The following TCN1 variants were observed in gnomAD, a reference collection of about 807,000 sequenced individuals.
TCN1 encodes transcobalamin-1.
A neutral mutation model predicts 46.3 loss-of-function variants in TCN1; 47 were observed. The observed-to-expected ratio is 1.01, with a 90% CI of 0.80 to 1.29. The LOEUF (loss-of-function observed/expected upper bound fraction) is 1.29, where lower values mean the gene tolerates loss of function less well. Among genes scored for constraint, TCN1 ranks in the 50% most tolerant of loss-of-function variants. The pLI is 0.00. For missense variants in TCN1, 532 were observed against 511.0 expected (o/e 1.04, Z -0.40); for synonymous variants, 183 against 192.5 (o/e 0.95, Z 0.41).
intron 2 of TCN1, among the ~76,000 whole-genome samples, chr11:59,863,269 G>A (rs946299869): frequency 6.6e-6 from 1 of 151,796 alleles, no homozygotes; most frequent in African/African-American, 2.4e-5. Context: ...TCACAGAATC[G>A]TTTTGGAATC....
intron 8 of TCN1, 26 bp from the exon 9 acceptor site, chr11:59,853,062 G>C (rs768579677): frequency 6.2e-7 from 1 of 1,613,276 alleles, no homozygotes; most frequent in Non-Finnish European, 8.5e-7. Flanking sequence ...AAAGAGAACT[G>C]GGTCAAATGA....
chr11:59,866,433 A>C lies in TCN1; in HGVS notation c.38T>G (p.Leu13Ter). The C allele has an allele frequency of 6.2e-7, 1 of 1,613,542 alleles. No homozygotes were observed. The highest frequency in any genetic ancestry group is 8.5e-7 in the Non-Finnish European group (1 of 1,179,514). ...QSHQLPLVGL[L>*]LFSFIPSQLC... ...TTGGCTTGGAATAAAAGAAAACAGT[A>C]AGAGCCCCACTAGGGGCAGCTGGTG... is the stretch of plus-strand genomic sequence containing the variant. Residue 13 changes from leucine to a stop codon, truncating the protein, a stop_gained, in exon 1 of 9, where the codon TTA (leucine) becomes TGA (stop). Transcript: ENST00000257264. LOFTEE classifies it high-confidence loss of function.
Position 59,853,194 on chromosome 11 carries a change from C to G in TCN1, c.1240+9G>C. The G allele has an allele frequency of 6.2e-7, 1 of 1,614,108 alleles. No homozygotes were observed. Among genetic ancestry groups the G allele is most frequent in the Non-Finnish European group, 8.5e-7 (1 of 1,179,960 alleles). ...TAGCATGGGTCTTTTTGGCATGTCT[C>G]TCCCTTACCTTGGCTCAGTGGTTCG... is the stretch of plus-strand genomic sequence containing the variant. On this transcript the variant is annotated intron_variant, in intron 8 of 8. Coordinates refer to ENST00000257264, the MANE Select transcript of TCN1 (RefSeq NM_001062.4).
At chr11:59,858,977 C>T in intron 5 of TCN1, 100 bp downstream of exon 5, 1 of 1,384,560 alleles carries the variant, frequency 7.2e-7, no homozygotes, top group Non-Finnish European at 1.0e-6. Flanking sequence ...CAACTCCAGC[C>T]TGGGCAACAA....
chr11:59,862,152 T>C (rs758774106), intron 3 of TCN1, among the ~76,000 whole-genome samples: 34 of 152,210 alleles, frequency 2.2e-4, no homozygotes, highest in Non-Finnish European at 3.5e-4. Flanking sequence ...GGTTGATTTT[T>C]CCCAGTGATA....
intron 4 of TCN1, among the ~76,000 whole-genome samples, chr11:59,860,567 T>C (rs1590866716): frequency 6.6e-6 from 1 of 152,166 alleles, no homozygotes; most frequent in Non-Finnish European, 1.5e-5. Context: ...TTTCCATCTT[T>C]CTCTAATCTT....
Position 59,858,995 on chromosome 11 carries a change from G to A in TCN1, c.747+82C>T, listed in dbSNP as rs1014944308. 4.7e-6 allele frequency: 7 copies of A among 1,482,618 alleles called. No individual in the cohort carries two copies. In the African/African-American group the frequency reaches 8.4e-5, roughly 18 times the overall value. 91.8% of individuals were successfully genotyped at this position (1,482,618 alleles called of 1,614,324 possible). On this transcript the variant is annotated intron_variant, in intron 5 of 8. Transcript: ENST00000257264. ...CTCCAGCCTGGGCAACAAGAGCGAA[G>A]CTCCATCTTAAAAAAAAAAAAATAC...
intron 4 of TCN1, among the ~76,000 whole-genome samples, chr11:59,860,002 A>G (rs1284089622): frequency 6.6e-6 from 1 of 152,226 alleles, no homozygotes; most frequent in Non-Finnish European, 1.5e-5. Context: ...GCCAAGGAAA[A>G]GAGACCCATC....
chr11:59,863,809 A>C, intron 2 of TCN1, 98 bp downstream of exon 2: 2 of 1,346,972 alleles, frequency 1.5e-6, no homozygotes, highest in East Asian at 2.3e-5. Context: ...GGGATGTAGC[A>C]GGGATACTTT....
chr11:59,865,223 G>A (rs938762242), intron 1 of TCN1, among the ~76,000 whole-genome samples: 2 of 152,148 alleles, frequency 1.3e-5, no homozygotes, highest in South Asian at 4.1e-4. Flanking sequence ...GTTTGTTGCA[G>A]ACACAATGGA....
rs1412541830 is a variant in TCN1 at position 59,862,648 on chromosome 11, A to G, written c.334T>C (p.Leu112=). 6.2e-7 allele frequency: 1 copy of G among 1,613,780 alleles called. No homozygotes were observed. Among genetic ancestry groups the G allele is most frequent in the South Asian group, 1.1e-5 (1 of 91,072 alleles). The change falls in exon 3 of 9, where the codon TTA becomes CTA. Residue 112 remains leucine (L), a synonymous_variant. Coordinates refer to ENST00000257264, the MANE Select transcript of TCN1 (RefSeq NM_001062.4). Reference sequence around the variant, plus strand: ...TCGATCAGGTGGTAATCATATATTAAGTTTTCCTCAGCGTTACGACATACT... The same window carrying G: ...TCGATCAGGTGGTAATCATATATTAGGTTTTCCTCAGCGTTACGACATACT... ...LGVCRNAEEN[L]IYDYHLIDKL...
In TCN1 at chr11:59,862,661, G is replaced by A. The variant is rs760511287; in HGVS notation, c.321C>T (p.Asn107=). The change falls in exon 3 of 9, where the codon AAC becomes AAT. Residue 107 remains asparagine (N), a synonymous_variant. Transcript: ENST00000257264. ...LIILALGVCR[N]AEENLIYDYH... is the part of the protein sequence containing the mutation. ...AATCATATATTAAGTTTTCCTCAGC[G>A]TTACGACATACTCCCAAAGCCAGTA... is the stretch of plus-strand genomic sequence containing the variant. 61 of 1,613,482 alleles carry A rather than the reference G, an allele frequency of 3.8e-5. No individual in the cohort carries two copies. The highest frequency in any genetic ancestry group is 6.7e-5 in the Admixed American group (4 of 59,958).
In TCN1 at chr11:59,852,900, A is replaced by G; in HGVS notation, c.*75T>C. ...CCTGCTCGTACTGGGATAAATGAAG[A>G]AGAAGGCATAAGGACAATAAACATG... On this transcript the variant is annotated 3_prime_UTR_variant, in exon 9 of 9. Transcript: ENST00000257264. 7.6e-7 allele frequency: 1 copy of G among 1,320,300 alleles called. No homozygotes were observed. 81.8% of individuals were successfully genotyped at this position (1,320,300 alleles called of 1,614,324 possible).
chr11:59,860,625 A>G (rs977775102), intron 4 of TCN1, among the ~76,000 whole-genome samples: 1 of 152,188 alleles, frequency 6.6e-6, no homozygotes, highest in Non-Finnish European at 1.5e-5. Flanking sequence ...GGCTGAATCA[A>G]ATAAACTGTC....
At chr11:59,856,085 G>GGGGGGGGGGGGGGGGCC in intron 5 of TCN1, 27 bp from the exon 6 acceptor site, 3 of 585,316 alleles carry the variant, frequency 5.1e-6, no homozygotes, top group African/African-American at 2.0e-5. Flanking sequence ...GGGTGGGGGG[G>GGGGGGGGGGGGGGGGCC]TGATGAGAGA....
At chr11:59,859,389 A>T in intron 4 of TCN1, 122 bp from the exon 5 acceptor site, 1 of 995,520 alleles carries the variant, frequency 1.0e-6, no homozygotes, top group Non-Finnish European at 1.6e-6. Flanking sequence ...AAAAACTGGG[A>T]TGGTTGGTCA....
Position 59,854,751 on chromosome 11 carries a change from C to A in TCN1, c.1022G>T (p.Arg341Ile), listed in dbSNP as rs1323537178. Residue 341 changes from arginine to isoleucine, a missense_variant, in exon 7 of 9, where the codon AGA becomes ATA. Physicochemically the swap from Arg to Ile is moderately conservative, Grantham distance 97. Transcript: ENST00000257264. ...QSYISVNYSV[R>I]INETYFTNVT... ...ATTGGTGAAATATGTTTCATTGATT[C>A]TCACAGAGTAATTGACGGAGATATA... 1.2e-6 allele frequency: 2 copies of A among 1,613,994 alleles called. No individual in the cohort carries two copies. The highest frequency in any genetic ancestry group is 1.7e-6 in the Non-Finnish European group (2 of 1,179,932).
At chr11:59,861,706 C>T (rs1380195427) in intron 3 of TCN1, 24 bp from the exon 4 acceptor site, 1 of 1,612,492 alleles carries the variant, frequency 6.2e-7, no homozygotes, top group Non-Finnish European at 8.5e-7. Flanking sequence ...GAAATACCTC[C>T]CTTAATCATG....
chr11:59,861,670 C>T lies in TCN1; in HGVS notation c.413G>A (p.Gly138Asp). Residue 138 changes from glycine (G) to aspartate (D), a missense_variant, in exon 4 of 9, where the codon GGC becomes GAC. Transcript: ENST00000257264. ...AEIENMEAHN[G>D]TPLTNYYQLS... ...CTGGTAGTAGTTAGTCAGGGGAGTG[C>T]CATTGTGTGCTTCTAGAAAAGAGAA... is the stretch of plus-strand genomic sequence containing the variant. 1 of 1,613,986 alleles carries T rather than the reference C, an allele frequency of 6.2e-7. No homozygotes were observed. The highest frequency in any genetic ancestry group is 1.1e-5 in the South Asian group (1 of 91,080).
Sources: allele counts gnomAD v4.1 joint callset (sites outside exome capture counted in the v4.1 genomes callset), GRCh38; gene constraint gnomAD v4.1.1; transcripts MANE v1.5; gene names NCBI Gene and HGNC (gene_info 2026-07-23, HGNC 2026-07-21).